The following GAB1 variants were observed in gnomAD, a reference collection of about 807,000 sequenced individuals.
GAB1 encodes the protein GRB2-associated-binding protein 1.
In GAB1, 19 loss-of-function variants were observed where a neutral mutation model predicts 66.5. The observed-to-expected ratio is 0.29, with a 90% CI of 0.20 to 0.42. The LOEUF is 0.42. Among genes scored for constraint, GAB1 ranks in the 10% least tolerant of loss-of-function variants. The pLI, the probability that GAB1 is intolerant of heterozygous loss-of-function variation, is 1.00. For synonymous variants in GAB1, 294 were observed against 301.4 expected, an observed-to-expected ratio of 0.98 and a Z score of 0.25; for missense variants, 732 against 858.5, an observed-to-expected ratio of 0.85 and a Z score of 1.84.
chr4:143,428,872 T>G, intron 2 of GAB1, among the ~76,000 whole-genome samples: 1 of 133,902 alleles, frequency 7.5e-6, no homozygotes. Context: ...GGGGGAGGGA[T>G]AGCATTAGGA....
chr4:143,373,350 A>T (rs1730231261), intron 1 of GAB1, among the ~76,000 whole-genome samples: 1 of 152,200 alleles, frequency 6.6e-6, no homozygotes, highest in African/African-American at 2.4e-5. Flanking sequence ...ATAGCACCAG[A>T]CCTTTCCTTC....
intron 1 of GAB1, among the ~76,000 whole-genome samples, chr4:143,407,802 G>T (rs1033879181): frequency 6.6e-6 from 1 of 151,988 alleles, no homozygotes; most frequent in Non-Finnish European, 1.5e-5. Flanking sequence ...AAAGCAAATG[G>T]TTTTCCTTTG....
chr4:143,366,596 A>C (rs1031708013), intron 1 of GAB1, among the ~76,000 whole-genome samples: 1 of 152,124 alleles, frequency 6.6e-6, no homozygotes, highest in Non-Finnish European at 1.5e-5. Flanking sequence ...ATCAGTAAAC[A>C]CTGTTATTGT....
intron 1 of GAB1, 58 bp downstream of exon 1, chr4:143,337,318 C>G (rs1316843984): frequency 6.9e-7 from 1 of 1,444,296 alleles, no homozygotes; most frequent in African/African-American, 1.4e-5. Context: ...CCTCCCCAGT[C>G]GGCTCGCCGG....
rs532709467 is a variant in GAB1, at chr4:143,471,412, C to T, written c.*2223C>T. On this transcript the variant is annotated 3_prime_UTR_variant, in exon 10 of 10. Coordinates refer to ENST00000262994, the MANE Select transcript of GAB1 (RefSeq NM_002039.4). ...TTCTTACAGAGCAGTATTTTCCAAA[C>T]ATTTTTAGCACTAGAATCTTTTTAG... is the stretch of plus-strand genomic sequence containing the variant. 1 of 152,252 alleles carries T rather than the reference C, an allele frequency of 6.6e-6. No homozygotes were observed. Among genetic ancestry groups the T allele is most frequent in the Non-Finnish European group, 1.5e-5 (1 of 68,008 alleles). The allele number at this position is 152,252 out of a possible 1,614,324, so 9.4% of individuals were successfully genotyped here. A position where few individuals can be genotyped will look rare whatever the true frequency, so the allele number is the denominator to read the frequency against.
At chr4:143,382,655 G>A (rs531266356) in intron 1 of GAB1, among the ~76,000 whole-genome samples, 1 of 152,156 alleles carries the variant, frequency 6.6e-6, no homozygotes, top group Non-Finnish European at 1.5e-5. Flanking sequence ...TTGTTGATCT[G>A]TTGGCTTTAA....
At chr4:143,366,844 A>G (rs149070047) in intron 1 of GAB1, among the ~76,000 whole-genome samples, 1,655 of 152,114 alleles carry the variant, frequency 0.011, 11 homozygotes, top group South Asian at 0.033. Context: ...TGAAAATCAC[A>G]TGGTCCTCAA....
chr4:143,386,252 C>T (rs1252256393), intron 1 of GAB1, among the ~76,000 whole-genome samples: 6 of 152,172 alleles, frequency 3.9e-5, no homozygotes, highest in South Asian at 2.1e-4. Context: ...GAAGTATTTC[C>T]GATTTCAGAT....
In GAB1 at chr4:143,405,782, T is replaced by C. The variant is rs72721084; in HGVS notation, c.73-9695T>C. ...AGGTTTGCACAAGGTACTGTGGACATCTTGGAGTAGTCAGCTTGACCTGGC... is the reference window on the plus strand; with the variant it reads ...AGGTTTGCACAAGGTACTGTGGACACCTTGGAGTAGTCAGCTTGACCTGGC... On this transcript the variant is annotated intron_variant, in intron 1 of 9. Coordinates refer to ENST00000262994, the MANE Select transcript of GAB1 (RefSeq NM_002039.4). Among the ~76,000 whole-genome samples, 929 of 152,234 alleles carry C rather than the reference T, an allele frequency of 6.1e-3. 6 individuals carry two copies. The highest frequency in any genetic ancestry group is 0.013 in the South Asian group (64 of 4,828).
In GAB1 at chr4:143,466,200, C is replaced by G. The variant is rs778121200; in HGVS notation, c.1901C>G (p.Ser634Cys). The change falls in exon 9 of 10, where the codon TCT becomes TGT. Residue 634 changes from serine (S) to cysteine (C), a missense_variant. Around this residue, in one of 4 missense-constraint regions of GAB1, gnomAD observed 204 missense variants for 276.8 expected, o/e 0.74. Transcript: ENST00000262994. ...QVEYLDLDLD[S>C]GKSTPPRKQK... ...GAATACTTAGATCTCGACTTAGATT[C>G]TGGGAAATCCACACCACCACGTAAG... The G allele has an allele frequency of 3.1e-6, 5 of 1,613,778 alleles. No homozygotes were observed. Among genetic ancestry groups the G allele is most frequent in the East Asian group, 2.2e-5 (1 of 44,832 alleles).
Position 143,469,192 on chromosome 4 carries a change from A to G in GAB1, c.*3A>G. On this transcript the variant is annotated 3_prime_UTR_variant, in exon 10 of 10. Transcript: ENST00000262994. ...CGCCAGCGAAGAGTGTGAAATGAAA[A>G]TATTGCCTTGCCATTTCTGAACAAA... 1.9e-6 allele frequency: 3 copies of G among 1,613,778 alleles called. No homozygotes were observed. Among genetic ancestry groups the G allele is most frequent in the Non-Finnish European group, 2.5e-6 (3 of 1,179,870 alleles).
intron 1 of GAB1, among the ~76,000 whole-genome samples, chr4:143,374,383 C>G (rs1250707388): frequency 1.3e-5 from 2 of 152,148 alleles, no homozygotes; most frequent in African/African-American, 4.8e-5. Context: ...AAAACCTGTT[C>G]AACAATTTTT....
chr4:143,340,566 A>G (rs570701198), intron 1 of GAB1, among the ~76,000 whole-genome samples: 1 of 152,254 alleles, frequency 6.6e-6, no homozygotes, highest in Admixed American at 6.5e-5. Context: ...ACTGGAGTGC[A>G]GTGGCACTAT....
At position 143,438,525 on chromosome 4, in the gene GAB1, T is replaced by C; in HGVS notation, c.1120T>C (p.Cys374Arg). Residue 374 changes from cysteine (C) to arginine (R), a missense_variant, in exon 4 of 10, where the codon TGT becomes CGT. Cys to Arg is a radical substitution (Grantham distance 180). Around this residue, in one of 4 missense-constraint regions of GAB1, gnomAD observed 427 missense variants for 420.6 expected, o/e 1.02. Transcript: ENST00000262994. ...RTASDTDSSY[C>R]IPTAGMSPSR... ...CGCCTCAGACACTGACAGTAGTTAC[T>C]GTATCCCTACAGCAGGGATGTCGCC... 2 of 1,613,984 alleles carry C rather than the reference T, an allele frequency of 1.2e-6. No individual in the cohort carries two copies. The highest frequency in any genetic ancestry group is 1.1e-5 in the South Asian group (1 of 91,080).
At chr4:143,467,055 G>T (rs924129171) in intron 9 of GAB1, among the ~76,000 whole-genome samples, 1 of 152,082 alleles carries the variant, frequency 6.6e-6, no homozygotes, top group African/African-American at 2.4e-5. Context: ...CCCTTTAGAA[G>T]TGCCTTTAGT....
intron 6 of GAB1, among the ~76,000 whole-genome samples, chr4:143,455,212 A>G (rs28925926): frequency 0.45 from 68,888 of 152,054 alleles, 18,917 homozygotes; most frequent in African/African-American, 0.78. Flanking sequence ...ATAACTCTGA[A>G]AATTTGTACC....
chr4:143,411,499 G>A (rs2149712683), intron 1 of GAB1, among the ~76,000 whole-genome samples: 1 of 152,298 alleles, frequency 6.6e-6, no homozygotes, highest in African/African-American at 2.4e-5. Flanking sequence ...ATTACTTTGA[G>A]TATTTGGTTT....
At chr4:143,373,822 C>CTCT (rs1730263012) in intron 1 of GAB1, among the ~76,000 whole-genome samples, 2 of 97,842 alleles carry the variant, frequency 2.0e-5, no homozygotes, top group Admixed American at 1.1e-4. Context: ...GGAGTGAAAC[C>CTCT]CTCTCTCTCT....
At chr4:143,406,399 C>G (rs954704321) in intron 1 of GAB1, among the ~76,000 whole-genome samples, 1 of 152,206 alleles carries the variant, frequency 6.6e-6, no homozygotes, top group African/African-American at 2.4e-5. Flanking sequence ...TGGCAGGAGT[C>G]TGCCTGGACA....
Sources: gnomAD v4.1 joint callset for allele counts (sites outside exome capture counted in the v4.1 genomes callset) on GRCh38, gnomAD v4.1.1 for gene constraint, gnomAD v4.1.1 regional missense constraint, MANE v1.5 for transcripts, NCBI Gene and HGNC (gene_info 2026-07-23, HGNC 2026-07-21) for gene names.